The following PTPRD variants were observed in gnomAD, a reference collection of about 807,000 sequenced individuals.
PTPRD encodes the protein protein tyrosine phosphatase receptor type D.
Under a neutral mutation model 214.5 loss-of-function variants are expected in PTPRD, and 34 were observed. That is an observed-to-expected ratio of 0.16 (90% CI 0.12 to 0.21). The LOEUF (loss-of-function observed/expected upper bound fraction) is 0.21, where lower values mean the gene tolerates loss of function less well. Ranked by LOEUF, PTPRD falls within the 10% of genes least tolerant of loss-of-function variation. The pLI is 1.00. For synonymous variants in PTPRD, 1,128 were observed against 845.7 expected (o/e 1.33, Z -5.79); for missense variants, 2,545 against 2,398.7 (o/e 1.06, Z -1.27).
chr9:9,374,641 T>C (rs1002809516), intron 9 of PTPRD, among the ~76,000 whole-genome samples: 7 of 152,192 alleles, frequency 4.6e-5, no homozygotes, highest in Non-Finnish European at 1.0e-4. Context: ...TTCTCCCAGG[T>C]TAAAACCCTC....
At chr9:9,940,897 A>T (rs2153967540) in intron 4 of PTPRD, among the ~76,000 whole-genome samples, 1 of 152,204 alleles carries the variant, frequency 6.6e-6, no homozygotes, top group Non-Finnish European at 1.5e-5. Context: ...CAGCTTTTTA[A>T]TCAAGAAAAG....
intron 5 of PTPRD, among the ~76,000 whole-genome samples, chr9:9,898,569 G>C (rs564515802): frequency 6.6e-6 from 1 of 152,140 alleles, no homozygotes; most frequent in South Asian, 2.1e-4. Context: ...TCAATTTAAG[G>C]AATCCTTAGA....
At chr9:8,919,638 G>A (rs184444775) in intron 11 of PTPRD, among the ~76,000 whole-genome samples, 17 of 152,068 alleles carry the variant, frequency 1.1e-4, no homozygotes, top group African/African-American at 3.9e-4. Context: ...GTTCATCTTA[G>A]GTATAATCAC....
At chr9:9,233,892 T>A (rs140417674) in intron 9 of PTPRD, among the ~76,000 whole-genome samples, 51 of 152,350 alleles carry the variant, frequency 3.3e-4, no homozygotes, top group Non-Finnish European at 5.0e-4. Context: ...GCTGCTTTTA[T>A]GGGCTGGCAT....
chr9:9,745,846 G>C (rs749390879), intron 6 of PTPRD, among the ~76,000 whole-genome samples: 1 of 152,112 alleles, frequency 6.6e-6, no homozygotes, highest in Non-Finnish European at 1.5e-5. Context: ...CTAAATGCTA[G>C]AATAGCTCTC....
intron 9 of PTPRD, among the ~76,000 whole-genome samples, chr9:9,340,692 T>C (rs960618612): frequency 2.0e-5 from 3 of 152,204 alleles, no homozygotes; most frequent in South Asian, 2.1e-4. Context: ...CTGTTGGACA[T>C]GCTGTTGGAA....
At chr9:10,590,022 T>C (rs960516855) in intron 2 of PTPRD, among the ~76,000 whole-genome samples, 3 of 151,890 alleles carry the variant, frequency 2.0e-5, no homozygotes, top group African/African-American at 7.3e-5. Flanking sequence ...TAATTGAAAA[T>C]AAAAATAACC....
At chr9:9,540,740 T>C (rs2077420951) in intron 8 of PTPRD, among the ~76,000 whole-genome samples, 1 of 151,870 alleles carries the variant, frequency 6.6e-6, no homozygotes. Flanking sequence ...TCTCCTCTTT[T>C]GGTTTCTACT....
intron 3 of PTPRD, among the ~76,000 whole-genome samples, chr9:10,042,077 G>A (rs1320461104): frequency 6.6e-6 from 1 of 152,074 alleles, no homozygotes; most frequent in Non-Finnish European, 1.5e-5. Context: ...GCCCCTGTGG[G>A]AACACAGCAG....
intron 11 of PTPRD, chr9:8,860,468 G>A (rs1193618510): frequency 6.6e-6 from 1 of 152,172 alleles, no homozygotes; most frequent in Non-Finnish European, 1.5e-5. Flanking sequence ...AGTAGGGATG[G>A]GTCAAGGTGA....
At chr9:9,078,456 C>T (rs550115766) in intron 10 of PTPRD, among the ~76,000 whole-genome samples, 62 of 152,140 alleles carry the variant, frequency 4.1e-4, no homozygotes, top group Non-Finnish European at 7.4e-4. Flanking sequence ...GCTGTGGCTT[C>T]GAAAGGGCTG....
chr9:10,573,912 C>A (rs1226240308), intron 2 of PTPRD, among the ~76,000 whole-genome samples: 1 of 151,954 alleles, frequency 6.6e-6, no homozygotes, highest in African/African-American at 2.4e-5. Context: ...ACTGCACATT[C>A]TGCACATGTA....
intron 2 of PTPRD, among the ~76,000 whole-genome samples, chr9:10,407,383 T>G (rs552667626): frequency 3.6e-4 from 54 of 151,648 alleles, no homozygotes; most frequent in African/African-American, 1.3e-3. Context: ...TTCATCATAA[T>G]TCTTATGTTG....
chr9:9,902,689 G>A (rs2076680447), intron 5 of PTPRD, among the ~76,000 whole-genome samples: 1 of 152,112 alleles, frequency 6.6e-6, no homozygotes, highest in Non-Finnish European at 1.5e-5. Context: ...AAATCATGGG[G>A]TGATGATGAG....
At chr9:9,563,890 TGATA>T (rs1005328932) in intron 8 of PTPRD, among the ~76,000 whole-genome samples, 1 of 152,156 alleles carries the variant, frequency 6.6e-6, no homozygotes, top group African/African-American at 2.4e-5. Context: ...CCTTATCCAT[TGATA>T]TCCTGGCTTT....
At chr9:9,656,184 G>C (rs2096508211) in intron 7 of PTPRD, among the ~76,000 whole-genome samples, 1 of 152,144 alleles carries the variant, frequency 6.6e-6, no homozygotes, top group South Asian at 2.1e-4. Flanking sequence ...AATCCAAAAT[G>C]ATACAGCCAT....
At chr9:10,435,384 T>G (rs187046917) in intron 2 of PTPRD, among the ~76,000 whole-genome samples, 1 of 151,980 alleles carries the variant, frequency 6.6e-6, no homozygotes, top group East Asian at 1.9e-4. Flanking sequence ...GTTTTCACAA[T>G]TATTTTAGTA....
intron 5 of PTPRD, among the ~76,000 whole-genome samples, chr9:9,920,644 G>T (rs545616708): frequency 5.3e-5 from 8 of 152,222 alleles, no homozygotes; most frequent in African/African-American, 1.9e-4. Flanking sequence ...GATGCCAATT[G>T]CTCACTGCTC....
chr9:10,152,644 G>A (rs1006983549), intron 3 of PTPRD, among the ~76,000 whole-genome samples: 8 of 152,260 alleles, frequency 5.3e-5, no homozygotes, highest in African/African-American at 1.9e-4. Context: ...TGACCAACAT[G>A]GAGAAACCTC....
Sources: allele counts gnomAD v4.1 joint callset (sites outside exome capture counted in the v4.1 genomes callset), GRCh38; gene constraint gnomAD v4.1.1; transcripts MANE v1.5; gene names NCBI Gene and HGNC (gene_info 2026-07-23, HGNC 2026-07-21).